MFN2: variants seen among roughly 807,000 people sequenced by gnomAD.
MFN2 encodes mitofusin-2.
In MFN2, 43 loss-of-function variants were observed where a neutral mutation model predicts 87.5. The ratio of observed to expected loss-of-function variants is 0.49; its 90% CI spans 0.38 to 0.63. The LOEUF (loss-of-function observed/expected upper bound fraction) is 0.63. MFN2 is among the 30% of genes least tolerant of loss of function. The pLI, the probability that MFN2 is intolerant of heterozygous loss-of-function variation, is 0.00. For synonymous variants in MFN2, 337 were observed against 359.9 expected (o/e 0.94, Z 0.72); for missense variants, 743 against 972.8 (o/e 0.76, Z 3.14).
chr1:11,984,153 C>T (rs1569779983), intron 2 of MFN2, among the ~76,000 whole-genome samples: 1 of 152,334 alleles, frequency 6.6e-6, no homozygotes, highest in East Asian at 1.9e-4. Context: ...TTTATATCTC[C>T]TGGGCTTGCA....
rs567827817 is a variant in MFN2, at chr1:11,994,463, G to A, written c.312-1693G>A. Among the ~76,000 whole-genome samples, 8 of 152,232 alleles carry A rather than the reference G, an allele frequency of 5.3e-5. No homozygotes were observed. In the East Asian group the frequency reaches 1.5e-3, roughly 29 times the overall value. On this transcript the variant is annotated intron_variant, in intron 4 of 18. Transcript: ENST00000235329. The stretch of plus-strand genomic sequence containing the variant: ...AAATTAGCTGGGTGTGGTGGCGGGC[G>A]CCTGTAGTCCCAGCTACTTGGGAGG...
In MFN2 at chr1:12,007,156, G is replaced by T; in HGVS notation, c.1976G>T (p.Arg659Met). 1.2e-6 allele frequency: 2 copies of T among 1,614,210 alleles called. No individual in the cohort carries two copies. Among genetic ancestry groups the T allele is most frequent in the Non-Finnish European group, 1.7e-6 (2 of 1,180,040 alleles). ...RLTWTTKAKE[R>M]AFKRQFVEHA... ...ACCTGGACCACCAAGGCCAAGGAGA[G>T]GGCCTTCAAGCGCCAGTTTGTGGAG... Residue 659 changes from arginine (R) to methionine (M), a missense_variant, in exon 17 of 19, where the codon AGG (arginine) becomes ATG (methionine). By Grantham distance (91) the Arg-to-Met change is moderately conservative. Transcript: ENST00000235329.
intron 2 of MFN2, among the ~76,000 whole-genome samples, chr1:11,986,532 G>C (rs999429618): frequency 6.6e-6 from 1 of 152,058 alleles, no homozygotes; most frequent in African/African-American, 2.4e-5. Flanking sequence ...CCACTTTTGG[G>C]GTCGGAATTC....
chr1:12,010,953 A>G (rs1257946747), intron 18 of MFN2, among the ~76,000 whole-genome samples: 1 of 152,050 alleles, frequency 6.6e-6, no homozygotes, highest in Admixed American at 6.5e-5. Context: ...GCCAGAGGGG[A>G]GATGGATCAG....
intron 6 of MFN2, among the ~76,000 whole-genome samples, chr1:11,997,879 CTTTTTTT>C (rs768355266): frequency 2.1e-5 from 2 of 95,836 alleles, no homozygotes; most frequent in Non-Finnish European, 3.8e-5. Context: ...TGTATATCAT[CTTTTTTT>C]TTTTTTTTTT....
At chr1:11,985,823 C>T (rs552300592) in intron 2 of MFN2, among the ~76,000 whole-genome samples, 2 of 152,158 alleles carry the variant, frequency 1.3e-5, no homozygotes, top group Non-Finnish European at 2.9e-5. Flanking sequence ...TGCCACATCC[C>T]CTCTTTCTCG....
In MFN2 at chr1:11,999,050, C is replaced by T; in HGVS notation, c.771C>T (p.Asn257=). 1 of 1,614,204 alleles carries T rather than the reference C, an allele frequency of 6.2e-7. No homozygotes were observed. Among genetic ancestry groups the T allele is most frequent in the South Asian group, 1.1e-5 (1 of 91,084 alleles). Reference sequence around the variant, plus strand: ...CCCGGCCAAACATCTTCATCCTGAACAACCGCTGGGATGCATCTGCCTCAG... The same window carrying T: ...CCCGGCCAAACATCTTCATCCTGAATAACCGCTGGGATGCATCTGCCTCAG... ...RLSRPNIFIL[N]NRWDASASEP... is the part of the protein sequence containing the mutation. Residue 257 remains asparagine (N), a synonymous_variant, in exon 8 of 19, where the codon AAC becomes AAT. Transcript: ENST00000235329.
intron 7 of MFN2, 45 bp from the exon 8 acceptor site, chr1:11,998,943 T>G: frequency 6.2e-7 from 1 of 1,612,266 alleles, no homozygotes; most frequent in Non-Finnish European, 8.5e-7. Context: ...GATGGGGCCT[T>G]GGCTGTCAAG....
rs755927144 is a variant in MFN2 at position 11,992,647 on chromosome 1, G to C, written c.268G>C (p.Glu90Gln). The part of the protein sequence containing the change: ...GYLSKVRGIS[E>Q]VLARRHMKVA... ...CCTATCCAAAGTGAGAGGCATCAGT[G>C]AGGTGCTGGCTCGGAGGCACATGAA... is the stretch of plus-strand genomic sequence containing the variant. The change falls in exon 4 of 19, where the codon GAG (glutamate) becomes CAG (glutamine). Residue 90 changes from glutamate (E) to glutamine (Q), a missense_variant. Glu to Gln is a conservative substitution (Grantham distance 29). Transcript: ENST00000235329. 1 of 1,614,090 alleles carries C rather than the reference G, an allele frequency of 6.2e-7. No individual in the cohort carries two copies.
At chr1:11,987,207 C>T (rs1638453272) in intron 2 of MFN2, among the ~76,000 whole-genome samples, 1 of 151,160 alleles carries the variant, frequency 6.6e-6, no homozygotes, top group Non-Finnish European at 1.5e-5. Flanking sequence ...ACTCAGGAGG[C>T]TGAGTGAGGC....
At chr1:11,999,877 G>A (rs1023451391) in intron 8 of MFN2, among the ~76,000 whole-genome samples, 6 of 151,908 alleles carry the variant, frequency 3.9e-5, no homozygotes, top group Admixed American at 2.0e-4. Flanking sequence ...GGCGGATCAC[G>A]AGGTCAGGAG....
chr1:11,989,444 C>A (rs1348929441), intron 3 of MFN2, 101 bp downstream of exon 3: 2 of 1,341,444 alleles, frequency 1.5e-6, no homozygotes, highest in Non-Finnish European at 2.1e-6. Flanking sequence ...CCAGGGAAGT[C>A]ATAACCAGAT....
At position 12,007,211 on chromosome 1, in the gene MFN2, C is replaced by A; in HGVS notation, c.2031C>A (p.Ile677=). Residue 677 remains isoleucine (I), a synonymous_variant, in exon 17 of 19, where the codon ATC becomes ATA. Coordinates refer to ENST00000235329, the MANE Select transcript of MFN2 (RefSeq NM_014874.4). Reference sequence around the variant, plus strand: ...CCAGCGAGAAGCTGCAGCTTGTCATCAGCTACACTGGCTCCAACTGCAGCC... The same window carrying A: ...CCAGCGAGAAGCTGCAGCTTGTCATAAGCTACACTGGCTCCAACTGCAGCC... ...EHASEKLQLV[I]SYTGSNCSHQ... is the part of the protein sequence containing the mutation. 6.2e-7 allele frequency: 1 copy of A among 1,614,108 alleles called. No homozygotes were observed. Among genetic ancestry groups the A allele is most frequent in the South Asian group, 1.1e-5 (1 of 91,090 alleles).
In MFN2 at chr1:12,001,494, G is replaced by C. The variant is rs2100839352; in HGVS notation, c.910G>C (p.Val304Leu). The change falls in exon 9 of 19, where the codon GTG (valine) becomes CTG (leucine). Residue 304 changes from valine to leucine, a missense_variant. Val to Leu is a conservative substitution (Grantham distance 32). Transcript: ENST00000235329. Reference protein sequence around the residue: ...RSQAGDRIFFVSAKEVLNARI... With the variant: ...RSQAGDRIFFLSAKEVLNARI... ...CCAGGCCGGGGACCGCATCTTCTTT[G>C]TGTCTGCTAAGGAGGTGCTCAACGC... 6.2e-7 allele frequency: 1 copy of C among 1,614,182 alleles called. No individual in the cohort carries two copies. Among genetic ancestry groups the C allele is most frequent in the South Asian group, 1.1e-5 (1 of 91,080 alleles).
intron 16 of MFN2, 80 bp from the exon 17 acceptor site, chr1:12,006,973 G>A (rs1422411341): frequency 6.4e-7 from 1 of 1,555,406 alleles, no homozygotes; most frequent in African/African-American, 1.4e-5. Flanking sequence ...GGGCCCTTCA[G>A]ATGGCCCTGG....
chr1:12,011,661 C>G lies in MFN2; in HGVS notation c.*96C>G. 4 of 1,293,442 alleles carry G rather than the reference C, an allele frequency of 3.1e-6. No homozygotes were observed. Among genetic ancestry groups the G allele is most frequent in the Non-Finnish European group, 3.3e-6 (3 of 896,006 alleles). The allele number at this position is 1,293,442 out of a possible 1,614,324, so 80.1% of individuals were successfully genotyped here. ...CAGGGGCACGTGTGGCTCCTGCCCC[C>G]TGGCCACTGCCAAGAGAATGAAGCA... On this transcript the variant is annotated 3_prime_UTR_variant, in exon 19 of 19. Coordinates refer to ENST00000235329, the MANE Select transcript of MFN2 (RefSeq NM_014874.4).
chr1:11,991,418 G>A (rs545203318), intron 3 of MFN2, among the ~76,000 whole-genome samples: 15 of 152,322 alleles, frequency 9.8e-5, no homozygotes, highest in African/African-American at 3.6e-4. Context: ...GGGCAGTGCT[G>A]TCTAAGCTAG....
chr1:11,999,778 G>T (rs892797131), intron 8 of MFN2, among the ~76,000 whole-genome samples: 1 of 151,578 alleles, frequency 6.6e-6, no homozygotes, highest in Non-Finnish European at 1.5e-5. Context: ...CTTGGGCGAC[G>T]TAGCAAAACG....
chr1:11,998,921 G>A (rs2100832130), intron 7 of MFN2, 43 bp downstream of exon 7: 4 of 1,612,584 alleles, frequency 2.5e-6, no homozygotes, highest in Non-Finnish European at 3.4e-6. Context: ...AGCACCCCCT[G>A]GGCAGGCAGC....
Sources: gnomAD v4.1 joint callset for allele counts (sites outside exome capture counted in the v4.1 genomes callset) on GRCh38, gnomAD v4.1.1 for gene constraint, MANE v1.5 for transcripts, NCBI Gene and HGNC (gene_info 2026-07-23, HGNC 2026-07-21) for gene names.